Variants in ZNF432 observed in about 807,000 individuals in gnomAD.
The protein encoded by ZNF432 is zinc finger protein 432.
In ZNF432, 10 loss-of-function variants were observed where a neutral mutation model predicts 13.9. That is an observed-to-expected ratio of 0.72 (90% confidence interval 0.44 to 1.22). ZNF432 has a LOEUF of 1.22. Ranked by LOEUF, ZNF432 falls within the 50% of genes most tolerant of loss-of-function variation. ZNF432 has a pLI of 0.00. For missense variants in ZNF432, 793 were observed against 796.2 expected (o/e 1.00, Z 0.05); for synonymous variants, 247 against 256.2 (o/e 0.96, Z 0.34).
In ZNF432 at chr19:52,032,863, T is replaced by G. The variant is rs972262203; in HGVS notation, c.*857A>C. On this transcript the variant is annotated 3_prime_UTR_variant, in exon 5 of 5. Coordinates refer to ENST00000221315, the MANE Select transcript of ZNF432 (RefSeq NM_014650.4). Reference sequence around the variant, plus strand: ...GAGGCAGCATGTATCACTGAAATCCTCGTGTATTCACTGCCATCTGAAACT... The same window carrying G: ...GAGGCAGCATGTATCACTGAAATCCGCGTGTATTCACTGCCATCTGAAACT... The G allele has an allele frequency of 7.9e-5, 12 of 152,228 alleles. No individual in the cohort carries two copies. Among genetic ancestry groups the G allele is most frequent in the African/African-American group, 2.9e-4 (12 of 41,456 alleles). 9.4% of individuals were successfully genotyped at this position (152,228 alleles called of 1,614,324 possible).
At chr19:52,041,410 G>A in intron 3 of ZNF432, 70 bp downstream of exon 3, 1 of 1,509,644 alleles carries the variant, frequency 6.6e-7, no homozygotes, top group East Asian at 2.3e-5. Flanking sequence ...AACTTCCAAG[G>A]GTAAGCAACT....
At chr19:52,039,863 G>C (rs1453443315) in intron 4 of ZNF432, among the ~76,000 whole-genome samples, 2 of 148,070 alleles carry the variant, frequency 1.4e-5, no homozygotes, top group Non-Finnish European at 3.0e-5. Flanking sequence ...AAAAGAAAAA[G>C]AAAGTAGATT....
intron 4 of ZNF432, among the ~76,000 whole-genome samples, chr19:52,039,777 C>T (rs187411322): frequency 2.8e-5 from 4 of 141,288 alleles, no homozygotes; most frequent in East Asian, 2.1e-4. Flanking sequence ...TGCAGTGAGC[C>T]GAGATCACAC....
At chr19:52,036,789 G>T (rs2087085667) in intron 4 of ZNF432, among the ~76,000 whole-genome samples, 1 of 151,992 alleles carries the variant, frequency 6.6e-6, no homozygotes, top group African/African-American at 2.4e-5. Flanking sequence ...TCCCACCTCA[G>T]CCTCCTGAGT....
chr19:52,039,629 C>G (rs754108796), intron 4 of ZNF432, among the ~76,000 whole-genome samples: 1 of 151,856 alleles, frequency 6.6e-6, no homozygotes, highest in Non-Finnish European at 1.5e-5. Context: ...GTCAGGAGTA[C>G]GAGACCAAAC....
At chr19:52,040,668 G>A in intron 3 of ZNF432, 85 bp from the exon 4 acceptor site, 1 of 1,101,678 alleles carries the variant, frequency 9.1e-7, no homozygotes, top group Non-Finnish European at 1.4e-6. Context: ...TAAGTAACTA[G>A]ACAGTTTTCA....
chr19:52,040,392 C>T, intron 4 of ZNF432, 96 bp downstream of exon 4: 2 of 1,070,206 alleles, frequency 1.9e-6, no homozygotes, highest in Non-Finnish European at 2.9e-6. Context: ...GATTCCCATT[C>T]CTAATGTAGG....
At position 52,035,131 on chromosome 19, in the gene ZNF432, G is replaced by T. The variant is rs76446809; in HGVS notation, c.548C>A (p.Thr183Lys). The T allele has an allele frequency of 6.2e-7, 1 of 1,613,964 alleles. No homozygotes were observed. The highest frequency in any genetic ancestry group is 8.5e-7 in the Non-Finnish European group (1 of 1,180,006). Residue 183 changes from threonine (T) to lysine (K), a missense_variant, in exon 5 of 5, where the codon ACA becomes AAA. Transcript: ENST00000221315. ...TTGGGATTTAGTGCTATTGGCTTTT[G>T]TACTTACAGAGAATTTAGCTGCAGA... ...LYSAAKFSVS[T>K]KANSTKSQVS...
At chr19:52,037,447 C>T (rs2054929817) in intron 4 of ZNF432, among the ~76,000 whole-genome samples, 1 of 152,160 alleles carries the variant, frequency 6.6e-6, no homozygotes, top group South Asian at 2.1e-4. Flanking sequence ...AAATGTGCTG[C>T]TGCATGGGAT....
At chr19:52,045,243 T>G (rs1393711347) in intron 2 of ZNF432, among the ~76,000 whole-genome samples, 1 of 152,004 alleles carries the variant, frequency 6.6e-6, no homozygotes, top group Non-Finnish European at 1.5e-5. Flanking sequence ...TATACAGAGA[T>G]GCACACATTT....
intron 2 of ZNF432, among the ~76,000 whole-genome samples, chr19:52,043,373 C>G (rs1035890708): frequency 4.6e-5 from 7 of 152,298 alleles, no homozygotes; most frequent in Admixed American, 1.3e-4. Context: ...CAGCATGCTC[C>G]TTAAGAGTCA....
intron 1 of ZNF432, among the ~76,000 whole-genome samples, chr19:52,047,710 T>G (rs571451496): frequency 1.3e-4 from 20 of 148,734 alleles, no homozygotes; most frequent in African/African-American, 4.2e-4. Flanking sequence ...CACTTCAATA[T>G]GAAGAACAAG....
intron 4 of ZNF432, among the ~76,000 whole-genome samples, chr19:52,038,142 A>G (rs529487394): frequency 6.6e-6 from 1 of 152,364 alleles, no homozygotes; most frequent in South Asian, 2.1e-4. Flanking sequence ...ATCTTGATAA[A>G]AAAAAGTTTA....
Position 52,032,433 on chromosome 19 carries a change from T to G in ZNF432, c.*1287A>C. The G allele has an allele frequency of 7.4e-6, 1 of 135,418 alleles. No individual in the cohort carries two copies. The allele number at this position is 135,418 out of a possible 1,614,324, so 8.4% of individuals were successfully genotyped here. A position where few individuals can be genotyped will look rare whatever the true frequency, so the allele number is the denominator to read the frequency against. ...TTAGATTTGTGACAGTCCTCAAATATGGTTTTTTTTTTTTTTTTTTGAGGC... is the reference window on the plus strand; with the variant it reads ...TTAGATTTGTGACAGTCCTCAAATAGGGTTTTTTTTTTTTTTTTTTGAGGC... On this transcript the variant is annotated 3_prime_UTR_variant, in exon 5 of 5. Transcript: ENST00000221315.
chr19:52,040,371 G>A lies in ZNF432; in HGVS notation c.238+117C>T. The A allele has an allele frequency of 1.4e-5, 12 of 871,074 alleles. 2 individuals carry two copies. The highest frequency in any genetic ancestry group is 1.3e-4 in the South Asian group (10 of 74,114). 54.0% of individuals were successfully genotyped at this position (871,074 alleles called of 1,614,324 possible). ...AAATAAGATGGGAAGGGTTTCTTGT[G>A]GAGGGAAAACGATTCCCATTCCTAA... On this transcript the variant is annotated intron_variant, in intron 4 of 4. Transcript: ENST00000221315.
rs2087059135 is a variant in ZNF432, at chr19:52,034,788, G to A, written c.891C>T (p.Gly297=). 6.2e-7 allele frequency: 1 copy of A among 1,611,944 alleles called. No homozygotes were observed. Among genetic ancestry groups the A allele is most frequent in the East Asian group, 2.2e-5 (1 of 44,818 alleles). ...KPYICNECGK[G]FPGKRNLIVH... ...CAATGAGATTACGCTTGCCTGGGAAGCCTTTTCCACATTCATTGCATATGT... is the reference window on the plus strand; with the variant it reads ...CAATGAGATTACGCTTGCCTGGGAAACCTTTTCCACATTCATTGCATATGT... The change falls in exon 5 of 5, where the codon GGC becomes GGT. Residue 297 remains glycine, a synonymous_variant. Coordinates refer to ENST00000221315, the MANE Select transcript of ZNF432 (RefSeq NM_014650.4).
intron 1 of ZNF432, among the ~76,000 whole-genome samples, chr19:52,047,658 C>G (rs1163663683): frequency 7.5e-6 from 1 of 132,626 alleles, no homozygotes; most frequent in Admixed American, 7.8e-5. Context: ...GCGACAAAAG[C>G]AAGACTCCAT....
chr19:52,037,454 G>C (rs557410310), intron 4 of ZNF432, among the ~76,000 whole-genome samples: 12 of 152,192 alleles, frequency 7.9e-5, no homozygotes, highest in African/African-American at 2.9e-4. Flanking sequence ...CTGCTGCATG[G>C]GATATGAAAA....
chr19:52,048,604 G>A (rs1052581813), intron 1 of ZNF432, 91 bp downstream of exon 1: 6 of 70,494 alleles, frequency 8.5e-5, no homozygotes, highest in African/African-American at 2.8e-4. Context: ...CAACCCCCGC[G>A]CTACCTCCAC....
Sources: gnomAD v4.1 joint callset for allele counts (sites outside exome capture counted in the v4.1 genomes callset) on GRCh38, gnomAD v4.1.1 for gene constraint, MANE v1.5 for transcripts, NCBI Gene and HGNC (gene_info 2026-07-23, HGNC 2026-07-21) for gene names.